The following PDLIM2 variants were observed in gnomAD, a reference collection of about 807,000 sequenced individuals.
PDLIM2 encodes PDZ and LIM domain protein 2.
PDLIM2 carries 51 observed loss-of-function variants against 54.1 expected under a neutral mutation model. The observed-to-expected ratio is 0.94, with a 90% CI of 0.75 to 1.19. The LOEUF is 1.19. Among genes scored for constraint, PDLIM2 ranks in the 50% most tolerant of loss-of-function variants. The probability of loss-of-function intolerance (pLI) is 0.00; values close to 1 mark genes in which losing one functional copy is unlikely to be tolerated. For missense variants in PDLIM2, 912 were observed against 874.0 expected, an observed-to-expected ratio of 1.04 and a Z score of -0.55; for synonymous variants, 398 against 385.6, an observed-to-expected ratio of 1.03 and a Z score of -0.38.
At chr8:22,591,690 G>GA (rs773610618) in intron 9 of PDLIM2, 22 bp downstream of exon 8, 2 of 1,590,594 alleles carry the variant, frequency 1.3e-6, no homozygotes, top group East Asian at 4.5e-5. Context: ...GGGGGGTGGG[G>GA]GACCTGAGCC....
At chr8:22,586,572 G>A (rs1800387931) in intron 6 of PDLIM2, among the ~76,000 whole-genome samples, 2 of 152,194 alleles carry the variant, frequency 1.3e-5, no homozygotes, top group South Asian at 2.1e-4. Context: ...CACTGGTCCG[G>A]GCGACGGCTG....
chr8:22,594,509 G>A, downstream of PDLIM2: 1 of 1,613,690 alleles, frequency 6.2e-7, no homozygotes, highest in Non-Finnish European at 8.5e-7. Flanking sequence ...TAACCTTTTT[G>A]TAAAGATGCC....
At position 22,589,237 on chromosome 8, in the gene PDLIM2, C is replaced by T. The variant is rs111913681; in HGVS notation, c.1291-61C>T. The T allele has an allele frequency of 1.8e-3, 2,656 of 1,515,414 alleles. 41 individuals are homozygous for T. In the African/African-American group the frequency reaches 0.032, roughly 18 times the overall value. 93.9% of individuals were successfully genotyped at this position (1,515,414 alleles called of 1,614,324 possible). Reference sequence around the variant, plus strand: ...CCTGGGAACAGCCGGGCTAGGCCCTCCTGGGTGTGTTGGCCCAAGGCTCTG... The same window carrying T: ...CCTGGGAACAGCCGGGCTAGGCCCTTCTGGGTGTGTTGGCCCAAGGCTCTG... On this transcript the variant is annotated intron_variant, in intron 6 of 9. Transcript: ENST00000308354.
chr8:22,578,920 G>T, exon 1 of PDLIM2: 1 of 1,238,284 alleles, frequency 8.1e-7, no homozygotes, highest in Non-Finnish European at 1.0e-6. Context: ...GCGCTCCGGG[G>T]AGGATGCGGG....
At chr8:22,583,215 G>A (rs1017963650) in intron 3 of PDLIM2, among the ~76,000 whole-genome samples, 94 of 152,124 alleles carry the variant, frequency 6.2e-4, no homozygotes, top group Non-Finnish European at 1.9e-4. Context: ...AGGGAGCTGG[G>A]AGGGCGTGCC....
At chr8:22,579,418 G>A in exon 1 of PDLIM2, 1 of 1,514,462 alleles carries the variant, frequency 6.6e-7, no homozygotes, top group Non-Finnish European at 8.8e-7. Context: ...CAGCCCGCAG[G>A]GTACTTTGCC....
intron 2 of PDLIM2, 45 bp downstream of exon 1, chr8:22,580,742 G>C (rs767889009): frequency 1.9e-6 from 3 of 1,595,744 alleles, no homozygotes; most frequent in South Asian, 1.1e-5. Flanking sequence ...TGCCAGAAGC[G>C]AGGTCGGCCC....
At chr8:22,588,869 T>G in intron 6 of PDLIM2, 1 of 214,524 alleles carries the variant, frequency 4.7e-6, no homozygotes, top group Non-Finnish European at 9.3e-6. Flanking sequence ...CCCTTTATGT[T>G]TCTATCTCCT....
At chr8:22,594,175 G>A (rs3064) in exon 10 of PDLIM2, 10 of 1,407,640 alleles carry the variant, frequency 7.1e-6, no homozygotes, top group Non-Finnish European at 9.2e-6. Flanking sequence ...CTTTGTGTGC[G>A]AGGGTCTAAG....
chr8:22,593,797 T>C (rs756338766), exon 10 of PDLIM2: 5 of 1,605,746 alleles, frequency 3.1e-6, no homozygotes, highest in African/African-American at 1.3e-5. Flanking sequence ...CTGTGCCGAC[T>C]GTGGGCTGAA....
intron 8 of PDLIM2, 77 bp downstream of exon 7, chr8:22,589,818 C>A (rs1800491543): frequency 1.5e-5 from 23 of 1,530,500 alleles, no homozygotes; most frequent in Non-Finnish European, 1.1e-5. Context: ...GGTCAGTGAA[C>A]CAGTGTTCTT....
chr8:22,589,191 C>G (rs1482432135), intron 6 of PDLIM2, 107 bp from the exon 6 acceptor site: 2 of 1,232,952 alleles, frequency 1.6e-6, no homozygotes, highest in Non-Finnish European at 2.3e-6. Flanking sequence ...CGGCGAGGGC[C>G]GGGGGCCCCC....
chr8:22,578,814 G>C (rs1800105956), exon 1 of PDLIM2: 3 of 1,234,346 alleles, frequency 2.4e-6, no homozygotes, highest in Non-Finnish European at 3.0e-6. Flanking sequence ...GCGTGGGAGA[G>C]CTTTATGGGG....
At chr8:22,597,470 G>A (rs1333311149), downstream of PDLIM2, 2 of 152,538 alleles carry the variant, frequency 1.3e-5, no homozygotes, top group Non-Finnish European at 2.9e-5. Context: ...ATGGCCTGGA[G>A]GGGAGTGTGT....
At position 22,579,300 on chromosome 8, in the gene PDLIM2, C is replaced by T. The variant is rs1307049797; in HGVS notation, c.521C>T (p.Ala174Val). The T allele has an allele frequency of 3.6e-6, 5 of 1,400,562 alleles. No individual in the cohort carries two copies. Among genetic ancestry groups the T allele is most frequent in the African/African-American group, 3.0e-5 (2 of 65,916 alleles). The allele number at this position is 1,400,562 out of a possible 1,614,324, so 86.8% of individuals were successfully genotyped here. Residue 174 changes from alanine to valine, a missense_variant, in exon 1 of 10, where the codon GCG (alanine) becomes GTG (valine). By Grantham distance (64) the Ala-to-Val change is moderately conservative. Coordinates refer to ENST00000308354, the Ensembl canonical transcript of PDLIM2. The stretch of plus-strand genomic sequence containing the variant: ...GGGCTCCTCTCCGCGCCCCTGTCGG[C>T]GCGGAACCCTGGCCTCGTCCGCGGC...
At chr8:22,579,685 C>G in intron 1 of PDLIM2, 1 of 900,766 alleles carries the variant, frequency 1.1e-6, no homozygotes, top group Non-Finnish European at 1.5e-6. Context: ...ACTTGCGTCC[C>G]CAGGGCAGCC....
chr8:22,594,483 G>A (rs1177722889), downstream of PDLIM2: 2 of 1,613,146 alleles, frequency 1.2e-6, no homozygotes, highest in Non-Finnish European at 1.7e-6. Flanking sequence ...TTTAGGTTGG[G>A]AGTCATGTCA....
At chr8:22,589,642 G>T in exon 8 of PDLIM2, 1 of 1,594,998 alleles carries the variant, frequency 6.3e-7, no homozygotes, top group Non-Finnish European at 8.5e-7. Context: ...GGACTCGGAA[G>T]TCTTCAAGAT....
exon 10 of PDLIM2, chr8:22,593,853 T>C: frequency 6.4e-7 from 1 of 1,570,184 alleles, no homozygotes. Flanking sequence ...AGCTGTACTG[T>C]GAGAAGCATG....
Sources: allele counts gnomAD v4.1 joint callset (sites outside exome capture counted in the v4.1 genomes callset), GRCh38; gene constraint gnomAD v4.1.1; transcripts MANE v1.5; gene names NCBI Gene and HGNC (gene_info 2026-07-23, HGNC 2026-07-21).